TENM3: variants seen among roughly 807,000 people sequenced by gnomAD.
TENM3 encodes teneurin transmembrane protein 3.
TENM3 carries 63 observed loss-of-function variants against 255.1 expected under a neutral mutation model. The ratio of observed to expected loss-of-function variants is 0.25; its 90% confidence interval spans 0.20 to 0.30. The LOEUF (loss-of-function observed/expected upper bound fraction) is 0.30, where lower values mean the gene tolerates loss of function less well. TENM3 is among the 10% of genes least tolerant of loss of function. The pLI is 1.00. For synonymous variants in TENM3, 1,306 were observed against 1,322.3 expected, an observed-to-expected ratio of 0.99 and a Z score of 0.27; for missense variants, 2,929 against 3,461.1, an observed-to-expected ratio of 0.85 and a Z score of 3.86.
At chr4:181,522,611 T>C in the TENM3 span, 10 of 495,578 alleles carry the variant, frequency 2.0e-5, no homozygotes, top group African/African-American at 1.7e-4. Flanking sequence ...ATCCAGCATC[T>C]ATTCTTCTTG....
chr4:181,674,886 C>T, the TENM3 span, among the ~76,000 whole-genome samples: 1 of 152,072 alleles, frequency 6.6e-6, no homozygotes, highest in Non-Finnish European at 1.5e-5. Flanking sequence ...ATCAAGTTTT[C>T]CCAAATTGCT....
the TENM3 span, among the ~76,000 whole-genome samples, chr4:181,577,074 A>C: frequency 8.2e-6 from 1 of 122,338 alleles, no homozygotes; most frequent in Non-Finnish European, 1.6e-5. Context: ...TTATATATAA[A>C]TAATATATAA....
At chr4:182,219,271 A>T (rs906933653) in intron 1 of TENM3, among the ~76,000 whole-genome samples, 1 of 152,146 alleles carries the variant, frequency 6.6e-6, no homozygotes, top group African/African-American at 2.4e-5. Context: ...TATATTTTGA[A>T]GAGAGCGAAG....
At position 182,800,371 on chromosome 4, in the gene TENM3, G is replaced by A. The variant is rs556524629; in HGVS notation, c.*20G>A. 7.1e-6 allele frequency: 11 copies of A among 1,544,322 alleles called. No homozygotes were observed. In the East Asian group the frequency reaches 2.4e-4, roughly 34 times the overall value. On this transcript the variant is annotated 3_prime_UTR_variant, in exon 28 of 28. Coordinates refer to ENST00000511685, the MANE Select transcript of TENM3 (RefSeq NM_001080477.4). The stretch of plus-strand genomic sequence containing the variant: ...AGGTAACGCCCGGGCCGCGCCCGCC[G>A]AGCCGCTCACGCCCTGCCCACATTG...
At chr4:182,177,628 T>G (rs1440754083) in intron 1 of TENM3, among the ~76,000 whole-genome samples, 5 of 150,458 alleles carry the variant, frequency 3.3e-5, no homozygotes, top group Middle Eastern at 6.9e-3. Flanking sequence ...TTTTTTTTTT[T>G]GCTCTACCCT....
At chr4:182,092,830 A>G in the TENM3 span, among the ~76,000 whole-genome samples, 54,895 of 151,690 alleles carry the variant, frequency 0.36, 9,952 homozygotes, top group East Asian at 0.48. Context: ...AGGTTAAGGT[A>G]GAAATCCTCT....
chr4:182,532,623 C>G (rs985967690), intron 3 of TENM3, among the ~76,000 whole-genome samples: 17 of 152,102 alleles, frequency 1.1e-4, no homozygotes, highest in Non-Finnish European at 1.5e-5. Context: ...CTCTTTCTGG[C>G]CATTAGGGTA....
At chr4:182,175,037 A>G (rs1752370306) in intron 1 of TENM3, among the ~76,000 whole-genome samples, 1 of 152,194 alleles carries the variant, frequency 6.6e-6, no homozygotes, top group Admixed American at 6.5e-5. Flanking sequence ...CTGGGTTTGC[A>G]GGTGTGAGGA....
At chr4:182,643,737 A>G (rs1337435367) in intron 5 of TENM3, among the ~76,000 whole-genome samples, 2 of 152,222 alleles carry the variant, frequency 1.3e-5, no homozygotes, top group East Asian at 3.8e-4. Flanking sequence ...TATTTTCTGC[A>G]ACTTAATATG....
chr4:182,174,531 C>CACACAA (rs1752329455), intron 1 of TENM3, among the ~76,000 whole-genome samples: 1 of 148,582 alleles, frequency 6.7e-6, no homozygotes, highest in Non-Finnish European at 1.5e-5. Context: ...CACACACACA[C>CACACAA]AAACACACAC....
At chr4:182,098,925 T>A in the TENM3 span, among the ~76,000 whole-genome samples, 1 of 151,652 alleles carries the variant, frequency 6.6e-6, no homozygotes, top group South Asian at 2.1e-4. Flanking sequence ...TTAAAAATTT[T>A]ACATTTACCT....
At chr4:182,679,900 A>G (rs1237118741) in intron 8 of TENM3, 24 bp downstream of exon 8, 2 of 1,573,178 alleles carry the variant, frequency 1.3e-6, no homozygotes, top group Non-Finnish European at 1.7e-6. Flanking sequence ...TCAAAGCAGC[A>G]TTTTCCAGGC....
intron 3 of TENM3, among the ~76,000 whole-genome samples, chr4:182,410,850 A>C (rs541592640): frequency 6.6e-6 from 1 of 152,342 alleles, no homozygotes; most frequent in African/African-American, 2.4e-5. Flanking sequence ...GCTGGAAAAA[A>C]ATGTGTATTC....
chr4:181,831,968 T>TTGTGTGTGTGTGTGTGTGTGTG, the TENM3 span, among the ~76,000 whole-genome samples: 32 of 132,712 alleles, frequency 2.4e-4, no homozygotes, highest in Non-Finnish European at 4.1e-4. Flanking sequence ...ATATATTACA[T>TTGTGTGTGTGTGTGTGTGTGTG]TGTGTGTGTG....
chr4:181,520,884 TTAAAAG>T, the TENM3 span, among the ~76,000 whole-genome samples: 11 of 152,294 alleles, frequency 7.2e-5, no homozygotes, highest in Middle Eastern at 3.4e-3. Context: ...GTGGCATAAA[TTAAAAG>T]TAAATCATCA....
intron 6 of TENM3, among the ~76,000 whole-genome samples, chr4:182,658,003 T>C (rs1204071432): frequency 6.6e-6 from 1 of 152,194 alleles, no homozygotes; most frequent in Non-Finnish European, 1.5e-5. Context: ...TGATCACTTC[T>C]CTGCCTTCTG....
chr4:182,478,290 T>A (rs903088746), intron 3 of TENM3, among the ~76,000 whole-genome samples: 4 of 152,132 alleles, frequency 2.6e-5, no homozygotes, highest in Admixed American at 2.6e-4. Context: ...TCTAATGTCA[T>A]GTGAAAATTT....
the TENM3 span, among the ~76,000 whole-genome samples, chr4:181,965,711 A>G: frequency 6.6e-6 from 1 of 152,116 alleles, no homozygotes; most frequent in South Asian, 2.1e-4. Context: ...CACACCTTGT[A>G]TTTTTCTCCT....
At chr4:182,607,019 G>T (rs1324219289) in intron 4 of TENM3, among the ~76,000 whole-genome samples, 1 of 152,166 alleles carries the variant, frequency 6.6e-6, no homozygotes, top group Non-Finnish European at 1.5e-5. Flanking sequence ...TAAATGTGAG[G>T]TCACATATTT....
Sources: allele counts gnomAD v4.1 joint callset (sites outside exome capture counted in the v4.1 genomes callset), GRCh38; gene constraint gnomAD v4.1.1; transcripts MANE v1.5; gene names NCBI Gene and HGNC (gene_info 2026-07-23, HGNC 2026-07-21).